The following ABCA4 variants were observed in gnomAD, a reference collection of about 807,000 sequenced individuals.
ABCA4 encodes retinal-specific phospholipid-transporting ATPase ABCA4.
Under a neutral mutation model 263.7 loss-of-function variants are expected in ABCA4, and 196 were observed. That is an observed-to-expected ratio of 0.74 (90% CI 0.66 to 0.84). The LOEUF is 0.84. ABCA4 is among the 40% of genes least tolerant of loss of function. ABCA4 has a pLI of 0.00. For missense variants in ABCA4, 2,792 were observed against 2,855.1 expected (o/e 0.98, Z 0.50); for synonymous variants, 1,133 against 1,094.2 (o/e 1.04, Z -0.70).
At chr1:94,067,593 C>T (rs183454468) in intron 11 of ABCA4, among the ~76,000 whole-genome samples, 115 of 152,378 alleles carry the variant, frequency 7.5e-4, no homozygotes, top group Non-Finnish European at 1.5e-3. Context: ...AAGAGTCTAA[C>T]AGATCTGTTG....
chr1:94,014,341 GGGA>G (rs1435469238), intron 38 of ABCA4, among the ~76,000 whole-genome samples, 199 bp downstream of exon 38: 1 of 147,430 alleles, frequency 6.8e-6, no homozygotes, highest in East Asian at 2.0e-4. Context: ...GGAGGGAGGA[GGGA>G]GGAGAAGAAG....
At chr1:94,057,776 T>C (rs1661020103) in intron 14 of ABCA4, among the ~76,000 whole-genome samples, 1 of 152,240 alleles carries the variant, frequency 6.6e-6, no homozygotes, top group Non-Finnish European at 1.5e-5. Context: ...CCAATTACAC[T>C]ATAGGATAAA....
chr1:94,001,780 G>C lies in ABCA4; in HGVS notation c.6282+78C>G, dbSNP rs772565921. ...AACTGCTGCAGTTTCTAAATCTGCCGACCCAGAACCTATTTCCCCAACCCA... is the reference window on the plus strand; with the variant it reads ...AACTGCTGCAGTTTCTAAATCTGCCCACCCAGAACCTATTTCCCCAACCCA... On this transcript the variant is annotated intron_variant, in intron 45 of 49. Transcript: ENST00000370225. 26 of 1,606,364 alleles carry C rather than the reference G, an allele frequency of 1.6e-5. No homozygotes were observed. The African/African-American group carries it at 2.8e-4, about 17-fold the overall frequency.
At chr1:94,052,184 C>G (rs1445658385) in intron 16 of ABCA4, among the ~76,000 whole-genome samples, 2 of 152,162 alleles carry the variant, frequency 1.3e-5, no homozygotes. Context: ...CATCTGCCCC[C>G]CGTCACAGAT....
Position 93,993,186 on chromosome 1 carries a change from T to A in ABCA4, c.*51A>T. 6.2e-7 allele frequency: 1 copy of A among 1,613,558 alleles called. No individual in the cohort carries two copies. Among genetic ancestry groups the A allele is most frequent in the South Asian group, 1.1e-5 (1 of 91,036 alleles). ...CCATATGGGCACAGGCTCCTGCGCC[T>A]CCAGCTGCCCAGAGTTCCTTTCTGG... On this transcript the variant is annotated 3_prime_UTR_variant, in exon 50 of 50. Transcript: ENST00000370225.
chr1:94,019,674 T>A lies in ABCA4; in HGVS notation c.5104A>T (p.Ile1702Phe). Residue 1702 changes from isoleucine (I) to phenylalanine (F), a missense_variant, in exon 36 of 50, where the codon ATC (isoleucine) becomes TTC (phenylalanine). By Grantham distance (21) the Ile-to-Phe change is conservative. Transcript: ENST00000370225. ...TTGGATTTGTTCACCCGCTCCTGGA[T>A]CAAATAAAGGACAAAGCTGGCTGGG... ...FVPASFVLYL[I>F]QERVNKSKHL... 1 of 1,613,574 alleles carries A rather than the reference T, an allele frequency of 6.2e-7. No individual in the cohort carries two copies. Among genetic ancestry groups the A allele is most frequent in the Non-Finnish European group, 8.5e-7 (1 of 1,179,838 alleles).
Position 94,008,228 on chromosome 1 carries a change from T to A in ABCA4, c.5898+7A>T. 1 of 1,613,802 alleles carries A rather than the reference T, an allele frequency of 6.2e-7. No individual in the cohort carries two copies. The highest frequency in any genetic ancestry group is 8.5e-7 in the Non-Finnish European group (1 of 1,179,828). ...AGCCTTTCACACGTGGTCTGCAGAG[T>A]ACCCACCTCTCCAGGGCGAACTCCG... On this transcript the variant is annotated splice_region_variant and intron_variant, in intron 42 of 49. Coordinates refer to ENST00000370225, the MANE Select transcript of ABCA4 (RefSeq NM_000350.3).
In ABCA4 at chr1:94,060,772, G is replaced by T. The variant is rs368653303; in HGVS notation, c.1938-13C>A. The T allele has an allele frequency of 3.2e-6, 5 of 1,586,694 alleles. No homozygotes were observed. The highest frequency in any genetic ancestry group is 4.3e-6 in the Non-Finnish European group (5 of 1,160,266). On this transcript the variant is annotated splice_polypyrimidine_tract_variant and intron_variant, in intron 13 of 49. Coordinates refer to ENST00000370225, the MANE Select transcript of ABCA4 (RefSeq NM_000350.3). The stretch of plus-strand genomic sequence containing the variant: ...GATGATCATGAAACTAAAGCAAAAG[G>T]AGAGAAGCAGAATAGTAGAGTGCTC...
At chr1:94,006,251 A>G (rs1659381840) in intron 43 of ABCA4, among the ~76,000 whole-genome samples, 1 of 151,314 alleles carries the variant, frequency 6.6e-6, no homozygotes, top group Non-Finnish European at 1.5e-5. Context: ...AGACCATTAC[A>G]GTTCCCCACA....
At chr1:94,094,352 A>G (rs969122441) in intron 6 of ABCA4, among the ~76,000 whole-genome samples, 15 of 152,200 alleles carry the variant, frequency 9.9e-5, no homozygotes, top group Non-Finnish European at 4.4e-5. Flanking sequence ...GCATGTAGTC[A>G]GAACCCCAAG....
At chr1:94,013,018 G>C (rs566015590) in intron 38 of ABCA4, among the ~76,000 whole-genome samples, 1 of 152,208 alleles carries the variant, frequency 6.6e-6, no homozygotes, top group Non-Finnish European at 1.5e-5. Flanking sequence ...TTTTGAAGGC[G>C]GGTGCTTAGC....
chr1:94,067,660 A>G (rs987005916), intron 11 of ABCA4, among the ~76,000 whole-genome samples: 2 of 152,174 alleles, frequency 1.3e-5, no homozygotes, highest in East Asian at 1.9e-4. Flanking sequence ...GATATGCCCT[A>G]TCTCATAGGT....
In ABCA4 at chr1:94,077,860, C is replaced by T. The variant is rs1175552999; in HGVS notation, c.1384G>A (p.Asp462Asn). Residue 462 changes from aspartate (D) to asparagine (N), a missense_variant, in exon 11 of 50, where the codon GAC becomes AAC. Transcript: ENST00000370225. ...RDTLGNPTVK[D>N]FLNRQLGEEG... The stretch of plus-strand genomic sequence containing the variant: ...TCACCAAGCTGCCTATTCAAAAAGT[C>T]TTTTACTGTTGGGTTCCCCAGGGTA... The T allele has an allele frequency of 6.2e-7, 1 of 1,614,206 alleles. No homozygotes were observed. Among genetic ancestry groups the T allele is most frequent in the Admixed American group, 1.7e-5 (1 of 60,028 alleles).
At position 94,028,930 on chromosome 1, in the gene ABCA4, A is replaced by AAAAAAAAAAAAAAAAAC. The variant is rs35998587; in HGVS notation, c.4539+514_4539+515insGTTTTTTTTTTTTTTTT. Among the ~76,000 whole-genome samples, 6 of 108,032 alleles carry AAAAAAAAAAAAAAAAAC rather than the reference A, an allele frequency of 5.6e-5. 1 individual carries two copies. The highest frequency in any genetic ancestry group is 1.5e-4 in the African/African-American group (4 of 26,332). The allele number at this position is 108,032 out of a possible 152,430, so 70.9% of individuals were successfully genotyped here. On this transcript the variant is annotated intron_variant, in intron 30 of 49. Transcript: ENST00000370225. ...TCAAAAAAAAAAAAAAAAAAAAAAA[A>AAAAAAAAAAAAAAAAAC]GAAATTCAAACAATGGGATAATATA... is the stretch of plus-strand genomic sequence containing the variant.
intron 16 of ABCA4, among the ~76,000 whole-genome samples, chr1:94,054,143 C>T (rs937216023): frequency 5.9e-5 from 9 of 152,212 alleles, no homozygotes; most frequent in Admixed American, 1.3e-4. Flanking sequence ...CACGACCGTG[C>T]AAACAGCCAA....
intron 11 of ABCA4, among the ~76,000 whole-genome samples, chr1:94,075,843 A>G (rs1661525100): frequency 1.3e-5 from 2 of 152,234 alleles, no homozygotes; most frequent in South Asian, 4.1e-4. Context: ...CCCTGATTCT[A>G]AATAACTCCA....
chr1:94,107,187 C>T (rs77821082), intron 4 of ABCA4, among the ~76,000 whole-genome samples: 109 of 152,296 alleles, frequency 7.2e-4, no homozygotes, highest in African/African-American at 2.5e-3. Flanking sequence ...CCCTGTTAAC[C>T]TCTAAGGTCA....
rs761652443 is a variant in ABCA4, at chr1:94,029,593, G to A, written c.4391C>T (p.Pro1464Leu). ...PCGNSTPWKT[P>L]SVSPNITQLF... is the part of the protein sequence containing the mutation. Reference sequence around the variant, plus strand: ...CTGGGTGATGTTTGGGGACACAGAAGGAGTCTTCCAGGGTGTTGAGTTGCC... The same window carrying A: ...CTGGGTGATGTTTGGGGACACAGAAAGAGTCTTCCAGGGTGTTGAGTTGCC... The change falls in exon 30 of 50, where the codon CCT (proline) becomes CTT (leucine). Residue 1464 changes from proline (P) to leucine (L), a missense_variant. Transcript: ENST00000370225. 22 of 1,613,936 alleles carry A rather than the reference G, an allele frequency of 1.4e-5. No individual in the cohort carries two copies. The South Asian group carries it at 2.2e-4, about 16-fold the overall frequency.
rs80041077 is a variant in ABCA4, at chr1:94,087,846, G to C, written c.769-4405C>G. On this transcript the variant is annotated intron_variant, in intron 6 of 49. Coordinates refer to ENST00000370225, the MANE Select transcript of ABCA4 (RefSeq NM_000350.3). ...TGCCAGGTGCTGGGGACACGGCAGTGAATGAAACAAAGTCCTCCCTTCATG... is the reference window on the plus strand; with the variant it reads ...TGCCAGGTGCTGGGGACACGGCAGTCAATGAAACAAAGTCCTCCCTTCATG... Among the ~76,000 whole-genome samples, 208 of 152,330 alleles carry C rather than the reference G, an allele frequency of 1.4e-3. 3 individuals are homozygous for C. The East Asian group carries it at 0.038, about 28-fold the overall frequency.
Sources: allele counts gnomAD v4.1 joint callset (sites outside exome capture counted in the v4.1 genomes callset), GRCh38; gene constraint gnomAD v4.1.1; transcripts MANE v1.5; gene names NCBI Gene and HGNC (gene_info 2026-07-23, HGNC 2026-07-21).